CCDC88A: variants seen among roughly 807,000 people sequenced by gnomAD.
The protein encoded by CCDC88A is girdin.
CCDC88A carries 54 observed loss-of-function variants against 234.3 expected under a neutral mutation model. That is an observed-to-expected ratio of 0.23 (90% CI 0.19 to 0.29). The LOEUF is 0.29. Among genes scored for constraint, CCDC88A ranks in the 10% least tolerant of loss-of-function variants. The pLI, the probability that CCDC88A is intolerant of heterozygous loss-of-function variation, is 1.00. For missense variants in CCDC88A, 1,832 were observed against 2,123.4 expected (o/e 0.86, Z 2.70); for synonymous variants, 753 against 737.8 (o/e 1.02, Z -0.33).
chr2:55,415,861 T>C (rs1681285243), intron 2 of CCDC88A, among the ~76,000 whole-genome samples: 1 of 152,120 alleles, frequency 6.6e-6, no homozygotes, highest in Non-Finnish European at 1.5e-5. Context: ...CTTAAAAGCA[T>C]GTCCCCAAAA....
intron 2 of CCDC88A, among the ~76,000 whole-genome samples, chr2:55,401,500 A>G (rs1419150164): frequency 0.013 from 1 of 80 alleles, no homozygotes; most frequent in African/African-American, 0.045. Context: ...GTGTGTATAC[A>G]TATATATATA....
intron 8 of CCDC88A, among the ~76,000 whole-genome samples, chr2:55,352,056 G>A (rs973861542): frequency 6.6e-6 from 1 of 152,146 alleles, no homozygotes; most frequent in Non-Finnish European, 1.5e-5. Flanking sequence ...ACTAGTGATT[G>A]CCAGGAGCTG....
At chr2:55,384,128 G>A (rs1675063136) in intron 3 of CCDC88A, among the ~76,000 whole-genome samples, 1 of 151,932 alleles carries the variant, frequency 6.6e-6, no homozygotes, top group Non-Finnish European at 1.5e-5. Flanking sequence ...GAGCCCAGAA[G>A]GTCTTAGCTA....
At position 55,418,731 on chromosome 2, in the gene CCDC88A, T is replaced by C. The variant is rs115446699; in HGVS notation, c.164+85A>G. On this transcript the variant is annotated intron_variant, in intron 2 of 32. Coordinates refer to ENST00000436346, the MANE Select transcript of CCDC88A (RefSeq NM_001365480.1). ...AATATTTCTGGCCAATGAACCAAAT[T>C]AGGGGCTTAAAACATCGTGTCTCAA... 3,583 of 1,076,622 alleles carry C rather than the reference T, an allele frequency of 3.3e-3. 12 individuals are homozygous for C. The highest frequency in any genetic ancestry group is 4.3e-3 in the Non-Finnish European group (2,991 of 699,628). The allele number at this position is 1,076,622 out of a possible 1,614,324, so 66.7% of individuals were successfully genotyped here.
chr2:55,291,996 A>G (rs2104537319), intron 31 of CCDC88A: 2 of 346,664 alleles, frequency 5.8e-6, no homozygotes, highest in East Asian at 4.6e-5. Context: ...TAAAAAAACT[A>G]TAACAATTAC....
intron 3 of CCDC88A, 125 bp from the exon 4 acceptor site, chr2:55,375,008 A>G: frequency 1.8e-6 from 1 of 555,828 alleles, no homozygotes; most frequent in East Asian, 2.7e-5. Context: ...ACAAATATGG[A>G]AAAAGTTATA....
At chr2:55,297,416 ATT>A (rs1200730594) in intron 29 of CCDC88A, among the ~76,000 whole-genome samples, 3 of 36,910 alleles carry the variant, frequency 8.1e-5, no homozygotes, top group Non-Finnish European at 7.4e-5. Context: ...ATATGTGTGT[ATT>A]TTTTTTTTTT....
At chr2:55,302,869 G>T in intron 26 of CCDC88A, 200 bp downstream of exon 26, 10 of 396,960 alleles carry the variant, frequency 2.5e-5, no homozygotes, top group East Asian at 3.8e-5. Context: ...AAATATGCAC[G>T]TATATGTATC....
At chr2:55,294,729 G>T in intron 31 of CCDC88A, 1 of 991,144 alleles carries the variant, frequency 1.0e-6, no homozygotes, top group East Asian at 1.1e-4. Context: ...TGTCTTCTTG[G>T]TAAGAGAGCA....
At chr2:55,383,987 C>T (rs1675042874) in intron 3 of CCDC88A, among the ~76,000 whole-genome samples, 1 of 151,862 alleles carries the variant, frequency 6.6e-6, no homozygotes, top group South Asian at 2.1e-4. Context: ...GACCTATGAG[C>T]TACGACCATG....
At chr2:55,339,731 G>A in intron 12 of CCDC88A, 83 bp from the exon 13 acceptor site, 1 of 1,089,350 alleles carries the variant, frequency 9.2e-7, no homozygotes, top group Non-Finnish European at 1.3e-6. Context: ...AAAGTTGAGT[G>A]TATATGCATT....
chr2:55,412,440 T>G (rs962694571), intron 2 of CCDC88A, among the ~76,000 whole-genome samples: 2 of 152,188 alleles, frequency 1.3e-5, no homozygotes, highest in African/African-American at 4.8e-5. Context: ...AGATCAGTGG[T>G]GGGCGGGCAA....
At chr2:55,294,521 G>A in intron 31 of CCDC88A, 2 of 968,078 alleles carry the variant, frequency 2.1e-6, no homozygotes, top group South Asian at 9.5e-5. Flanking sequence ...CAGGACAGAT[G>A]GCCTAATTAA....
intron 7 of CCDC88A, chr2:55,356,483 T>TAAAA (rs1262324253): frequency 2.0e-5 from 3 of 152,026 alleles, no homozygotes; most frequent in African/African-American, 7.2e-5. Flanking sequence ...ATGATGAAAA[T>TAAAA]GATTAGATTA....
rs1237243932 is a variant in CCDC88A at position 55,381,003 on chromosome 2, A to T, written c.274-6120T>A. 4.6e-5 allele frequency among the ~76,000 whole-genome samples: 7 copies of T among 152,102 alleles called. No homozygotes were observed. In the East Asian group the frequency reaches 7.7e-4, roughly 17 times the overall value. On this transcript the variant is annotated intron_variant, in intron 3 of 32. Transcript: ENST00000436346. ...TAATGACATTTTTGGTCAACAATAA[A>T]CCATATATATGATGGTGGTCACATA...
At chr2:55,401,424 ACT>A (rs1220429902) in intron 2 of CCDC88A, among the ~76,000 whole-genome samples, 2 of 90,204 alleles carry the variant, frequency 2.2e-5, no homozygotes, top group African/African-American at 4.0e-5. Context: ...ACAGAGAAAG[ACT>A]CTGTCTCCAA....
rs1680708710 is a variant in CCDC88A, at chr2:55,300,170, A to G, written c.4745-251T>C. ...ATTTAGATTTGAAAATGAGTTCTAG[A>G]TGGATATGCCAGGAGTGTTTTAGTT... On this transcript the variant is annotated intron_variant, in intron 28 of 32. Transcript: ENST00000436346. The G allele has an allele frequency of 7.3e-6, 3 of 410,770 alleles. No homozygotes were observed. The South Asian group carries it at 7.5e-5, about 10-fold the overall frequency. The allele number at this position is 410,770 out of a possible 1,614,324, so 25.4% of individuals were successfully genotyped here.
chr2:55,389,958 T>C (rs564110236), intron 2 of CCDC88A, among the ~76,000 whole-genome samples: 3 of 146,052 alleles, frequency 2.1e-5, no homozygotes, highest in South Asian at 2.2e-4. Context: ...GGAGAATCAC[T>C]TGAACCCAGG....
At chr2:55,319,098 TA>T (rs1405010647) in intron 18 of CCDC88A, 94 bp from the exon 19 acceptor site, 3 of 967,472 alleles carry the variant, frequency 3.1e-6, no homozygotes, top group Admixed American at 2.7e-5. Context: ...AATGAGTATT[TA>T]TTAGCATTAT....
Sources: allele counts gnomAD v4.1 joint callset (sites outside exome capture counted in the v4.1 genomes callset), GRCh38; gene constraint gnomAD v4.1.1; transcripts MANE v1.5; gene names NCBI Gene and HGNC (gene_info 2026-07-23, HGNC 2026-07-21).